Variants in OSTN observed in about 807,000 individuals in gnomAD.
OSTN encodes osteocrin.
OSTN carries 9 observed loss-of-function variants against 12.0 expected under a neutral mutation model. That is an observed-to-expected ratio of 0.75 (90% CI 0.45 to 1.30). OSTN has a LOEUF of 1.30. Among genes scored for constraint, OSTN ranks in the 50% most tolerant of loss-of-function variants. The pLI is 0.00. For missense variants in OSTN, 148 were observed against 152.3 expected, an observed-to-expected ratio of 0.97 and a Z score of 0.15; for synonymous variants, 59 against 56.9, an observed-to-expected ratio of 1.04 and a Z score of -0.16.
chr3:191,239,493 A>G (rs1446998751), intron 3 of OSTN, among the ~76,000 whole-genome samples: 1 of 152,198 alleles, frequency 6.6e-6, no homozygotes. Flanking sequence ...AAATCTCATT[A>G]TGTGATTCCA....
intron 1 of OSTN, among the ~76,000 whole-genome samples, chr3:191,211,946 T>C (rs1714429222): frequency 6.6e-6 from 1 of 152,104 alleles, no homozygotes; most frequent in South Asian, 2.1e-4. Flanking sequence ...GTAATTTGTC[T>C]TTTTTTATTG....
intron 3 of OSTN, among the ~76,000 whole-genome samples, chr3:191,242,586 G>A (rs1029786420): frequency 1.3e-5 from 2 of 151,780 alleles, no homozygotes; most frequent in African/African-American, 4.8e-5. Context: ...TTTGTGACGG[G>A]GTCTCTTTAT....
chr3:191,261,251 G>A (rs369264101), intron 4 of OSTN, among the ~76,000 whole-genome samples: 1 of 152,078 alleles, frequency 6.6e-6, no homozygotes, highest in Non-Finnish European at 1.5e-5. Context: ...AAGGAGAAGA[G>A]GATACAAATT....
chr3:191,223,790 T>C (rs1714832640), intron 3 of OSTN, among the ~76,000 whole-genome samples: 1 of 152,128 alleles, frequency 6.6e-6, no homozygotes, highest in African/African-American at 2.4e-5. Flanking sequence ...AAATCCTGTA[T>C]GTAATAAACT....
chr3:191,235,457 G>C (rs749195068), intron 3 of OSTN, among the ~76,000 whole-genome samples: 5 of 152,194 alleles, frequency 3.3e-5, no homozygotes, highest in Non-Finnish European at 5.9e-5. Context: ...GATGCATGCA[G>C]AGAAGTAAAA....
At chr3:191,216,152 C>A (rs910282887) in intron 2 of OSTN, among the ~76,000 whole-genome samples, 5 of 152,204 alleles carry the variant, frequency 3.3e-5, no homozygotes, top group East Asian at 1.9e-4. Context: ...CCAGTGTAAA[C>A]CACCAAGGCT....
chr3:191,200,819 G>T (rs1368602122), intron 1 of OSTN, among the ~76,000 whole-genome samples: 1 of 152,130 alleles, frequency 6.6e-6, no homozygotes, highest in Non-Finnish European at 1.5e-5. Flanking sequence ...CATTTACTAT[G>T]ACTGTTACCT....
chr3:191,265,367 G>C lies in OSTN; in HGVS notation c.*2514G>C, dbSNP rs755551908. 6.6e-6 allele frequency: 1 copy of C among 152,142 alleles called. No individual in the cohort carries two copies. Among genetic ancestry groups the C allele is most frequent in the Non-Finnish European group, 1.5e-5 (1 of 68,000 alleles). The allele number at this position is 152,142 out of a possible 1,614,324, so 9.4% of individuals were successfully genotyped here. ...AATCAAATTTCATAAAAGGATGTTA[G>C]TTACTGGCTATGTTGTCCTAAAATT... is the stretch of plus-strand genomic sequence containing the variant. On this transcript the variant is annotated 3_prime_UTR_variant, in exon 5 of 5. Transcript: ENST00000682035.
chr3:191,208,918 G>T (rs1254625640), intron 1 of OSTN, among the ~76,000 whole-genome samples: 1 of 152,220 alleles, frequency 6.6e-6, no homozygotes, highest in Non-Finnish European at 1.5e-5. Flanking sequence ...AGCACTTTGG[G>T]AGTCTAAGGC....
chr3:191,200,879 C>T (rs1393715749), intron 1 of OSTN, among the ~76,000 whole-genome samples: 2 of 152,134 alleles, frequency 1.3e-5, no homozygotes, highest in East Asian at 1.9e-4. Flanking sequence ...GAAATACAAG[C>T]TTTGGAGGCA....
intron 1 of OSTN, among the ~76,000 whole-genome samples, chr3:191,206,401 T>C (rs534094574): frequency 6.6e-6 from 1 of 152,290 alleles, no homozygotes; most frequent in South Asian, 2.1e-4. Flanking sequence ...GATTTGGAGA[T>C]TCTTTCTTTT....
chr3:191,262,770 T>C (rs1312965393), intron 4 of OSTN, 96 bp from the exon 5 acceptor site: 3 of 666,010 alleles, frequency 4.5e-6, no homozygotes, highest in Admixed American at 2.2e-5. Flanking sequence ...CAGCATGTAA[T>C]TAAAGACTTA....
chr3:191,261,099 C>A (rs991077467), intron 4 of OSTN, among the ~76,000 whole-genome samples: 4 of 152,120 alleles, frequency 2.6e-5, no homozygotes, highest in Non-Finnish European at 5.9e-5. Flanking sequence ...GTCTTGGGTT[C>A]TCGTAACTGT....
At chr3:191,202,297 T>C (rs553224147) in intron 1 of OSTN, among the ~76,000 whole-genome samples, 11 of 152,360 alleles carry the variant, frequency 7.2e-5, no homozygotes, top group African/African-American at 2.6e-4. Context: ...ACAATTCTAT[T>C]TGAAGAAAGT....
chr3:191,209,235 TC>T (rs1290229813), intron 1 of OSTN, among the ~76,000 whole-genome samples: 1 of 152,202 alleles, frequency 6.6e-6, no homozygotes, highest in East Asian at 1.9e-4. Context: ...TAGTACATCC[TC>T]CTTTATGTAA....
At chr3:191,235,560 G>C (rs1293118227) in intron 3 of OSTN, among the ~76,000 whole-genome samples, 3 of 152,036 alleles carry the variant, frequency 2.0e-5, no homozygotes, top group African/African-American at 7.3e-5. Flanking sequence ...AATGTTTCTG[G>C]GGGTCACATA....
intron 3 of OSTN, among the ~76,000 whole-genome samples, chr3:191,247,602 G>A (rs1715463058): frequency 6.6e-6 from 1 of 152,154 alleles, no homozygotes. Context: ...TATGTAATAT[G>A]GCCCTATTTC....
At chr3:191,212,865 T>TTC (rs1714498488) in intron 2 of OSTN, among the ~76,000 whole-genome samples, 1 of 124,150 alleles carries the variant, frequency 8.1e-6, no homozygotes, top group African/African-American at 2.9e-5. Context: ...TTTCTTTTCT[T>TTC]TCTTTTTTTT....
At position 191,244,897 on chromosome 3, in the gene OSTN, T is replaced by C. The variant is rs982244183; in HGVS notation, c.318-5140T>C. Among the ~76,000 whole-genome samples the C allele has an allele frequency of 5.3e-5, 8 of 152,126 alleles. No individual in the cohort carries two copies. In the East Asian group the frequency reaches 1.5e-3, roughly 29 times the overall value. ...ATTTGATAAGATGAATCAAAGTAAT[T>C]ATGAATTTGTTGCTAGGGTAAAACC... On this transcript the variant is annotated intron_variant, in intron 3 of 4. Transcript: ENST00000682035.
Sources: gnomAD v4.1 joint callset for allele counts (sites outside exome capture counted in the v4.1 genomes callset) on GRCh38, gnomAD v4.1.1 for gene constraint, MANE v1.5 for transcripts, NCBI Gene and HGNC (gene_info 2026-07-23, HGNC 2026-07-21) for gene names.